FARS2: variants seen among roughly 807,000 people sequenced by gnomAD.
The protein encoded by FARS2 is phenylalanyl-tRNA synthetase 2, mitochondrial, also known as phenylalanine--tRNA ligase, mitochondrial.
FARS2 carries 40 observed loss-of-function variants against 46.4 expected under a neutral mutation model. The observed-to-expected ratio is 0.86, with a 90% confidence interval of 0.67 to 1.12. The LOEUF is 1.12. Ranked by LOEUF, FARS2 falls within the 50% of genes most tolerant of loss-of-function variation. The pLI is 0.00. For synonymous variants in FARS2, 234 were observed against 214.9 expected (o/e 1.09, Z -0.78); for missense variants, 513 against 567.9 (o/e 0.90, Z 0.98).
intron 1 of FARS2, 74 bp from the exon 2 acceptor site, chr6:5,368,476 G>A: frequency 7.6e-7 from 1 of 1,316,446 alleles, no homozygotes; most frequent in Non-Finnish European, 1.1e-6. Flanking sequence ...GGGAGCTGGT[G>A]GGAGATGCAA....
chr6:5,480,576 T>C (rs1337331989), intron 4 of FARS2, among the ~76,000 whole-genome samples: 2 of 152,252 alleles, frequency 1.3e-5, no homozygotes, highest in African/African-American at 4.8e-5. Flanking sequence ...GGTTGAGACA[T>C]GTGACTTTTG....
At chr6:5,393,003 TAA>T (rs1760667997) in intron 2 of FARS2, among the ~76,000 whole-genome samples, 1 of 150,630 alleles carries the variant, frequency 6.6e-6, no homozygotes, top group South Asian at 2.1e-4. Context: ...TAAAATTTAT[TAA>T]AATATATGTA....
At chr6:5,714,120 A>G (rs1429678263) in intron 6 of FARS2, among the ~76,000 whole-genome samples, 1 of 152,158 alleles carries the variant, frequency 6.6e-6, no homozygotes, top group African/African-American at 2.4e-5. Flanking sequence ...TCAGAGTGCC[A>G]TTTATAAAAT....
chr6:5,676,190 T>C (rs539552917), intron 6 of FARS2, among the ~76,000 whole-genome samples: 3 of 152,338 alleles, frequency 2.0e-5, no homozygotes, highest in South Asian at 4.1e-4. Context: ...CACTCAAAGA[T>C]GTCAGCTCCA....
At chr6:5,250,603 C>A in the FARS2 span, among the ~76,000 whole-genome samples, 1 of 152,174 alleles carries the variant, frequency 6.6e-6, no homozygotes, top group Non-Finnish European at 1.5e-5. Context: ...TGCTTTTAGG[C>A]ACACATGAAT....
chr6:5,363,941 C>A (rs2127632336), intron 1 of FARS2, among the ~76,000 whole-genome samples: 1 of 152,350 alleles, frequency 6.6e-6, no homozygotes, highest in Admixed American at 6.5e-5. Flanking sequence ...TGTCTTACCT[C>A]ATTTCCAAAC....
intron 5 of FARS2, among the ~76,000 whole-genome samples, chr6:5,576,519 G>C (rs1772973608): frequency 6.7e-6 from 1 of 150,118 alleles, no homozygotes; most frequent in South Asian, 2.1e-4. Context: ...GATCATGTGA[G>C]TTAATATTAA....
At chr6:5,496,671 A>G (rs1335516303) in intron 4 of FARS2, among the ~76,000 whole-genome samples, 2 of 151,816 alleles carry the variant, frequency 1.3e-5, no homozygotes. Context: ...TCTGTGTCCT[A>G]ATCTCTTCTT....
intron 5 of FARS2, among the ~76,000 whole-genome samples, chr6:5,568,391 G>A (rs1561719130): frequency 1.3e-5 from 2 of 152,136 alleles, no homozygotes; most frequent in Non-Finnish European, 1.5e-5. Context: ...ACATTTCTGA[G>A]CATCTGCTCT....
intron 6 of FARS2, among the ~76,000 whole-genome samples, chr6:5,666,112 G>T (rs80190984): frequency 0.015 from 2,321 of 152,192 alleles, 51 homozygotes; most frequent in African/African-American, 0.049. Context: ...GGTATTTATT[G>T]GTTCATTGAA....
At chr6:5,734,029 C>A (rs1561828522) in intron 6 of FARS2, among the ~76,000 whole-genome samples, 1 of 152,214 alleles carries the variant, frequency 6.6e-6, no homozygotes, top group Non-Finnish European at 1.5e-5. Context: ...AAAAAGTAAT[C>A]AAGGGATCCA....
chr6:5,694,239 C>T lies in FARS2; in HGVS notation c.1218-77052C>T, dbSNP rs1307939448. On this transcript the variant is annotated intron_variant, in intron 6 of 6. Coordinates refer to ENST00000274680, the MANE Select transcript of FARS2 (RefSeq NM_006567.5). Reference sequence around the variant, plus strand: ...GTAGCTAAGGTCAGTGTATGCTAGGCCTGGTACCTGAGCAGCAGTCTTGAT... The same window carrying T: ...GTAGCTAAGGTCAGTGTATGCTAGGTCTGGTACCTGAGCAGCAGTCTTGAT... Among the ~76,000 whole-genome samples the T allele has an allele frequency of 6.6e-5, 10 of 152,182 alleles. No individual in the cohort carries two copies. The East Asian group carries it at 1.9e-3, about 29-fold the overall frequency.
chr6:5,345,752 T>A (rs1254842142), intron 1 of FARS2, among the ~76,000 whole-genome samples: 3 of 152,218 alleles, frequency 2.0e-5, no homozygotes, highest in Non-Finnish European at 4.4e-5. Flanking sequence ...ATCCTGAGAT[T>A]TTCCATTTGT....
chr6:5,715,473 G>C (rs1379205836), intron 6 of FARS2, among the ~76,000 whole-genome samples: 2 of 152,024 alleles, frequency 1.3e-5, no homozygotes, highest in East Asian at 1.9e-4. Flanking sequence ...ACTGCCCCCT[G>C]TCTCCTTGTT....
intron 6 of FARS2, among the ~76,000 whole-genome samples, chr6:5,682,747 T>G (rs1779097889): frequency 6.6e-6 from 1 of 152,208 alleles, no homozygotes; most frequent in Non-Finnish European, 1.5e-5. Context: ...CTTCCAGGCA[T>G]TGCGAAAGAC....
chr6:5,420,793 C>A (rs1007898916), intron 3 of FARS2, among the ~76,000 whole-genome samples: 1 of 152,084 alleles, frequency 6.6e-6, no homozygotes, highest in Non-Finnish European at 1.5e-5. Flanking sequence ...CTTCTGGCAC[C>A]GTCATGGAGC....
intron 6 of FARS2, among the ~76,000 whole-genome samples, chr6:5,702,433 G>C (rs1582797429): frequency 6.6e-6 from 1 of 152,266 alleles, no homozygotes; most frequent in Middle Eastern, 3.4e-3. Context: ...AGTGATATGT[G>C]TACTTTTGGC....
intron 6 of FARS2, among the ~76,000 whole-genome samples, chr6:5,752,286 T>C (rs1292295230): frequency 3.3e-5 from 5 of 152,232 alleles, no homozygotes; most frequent in Admixed American, 3.3e-4. Context: ...AATTGCGGTC[T>C]GTTAGATTTT....
Position 5,494,405 on chromosome 6 carries a change from T to C in FARS2, c.905-50775T>C, listed in dbSNP as rs559935325. ...GACTGGAATCCGGGTCTGTACTGGC[T>C]GCGGCTTCACACTGCCTCGCTTCTC... On this transcript the variant is annotated intron_variant, in intron 4 of 6. Transcript: ENST00000274680. 5.3e-5 allele frequency among the ~76,000 whole-genome samples: 8 copies of C among 152,334 alleles called. 1 individual carries two copies. In the East Asian group the frequency reaches 1.5e-3, roughly 29 times the overall value.
Sources: gnomAD v4.1 joint callset for allele counts (sites outside exome capture counted in the v4.1 genomes callset) on GRCh38, gnomAD v4.1.1 for gene constraint, MANE v1.5 for transcripts, NCBI Gene and HGNC (gene_info 2026-07-23, HGNC 2026-07-21) for gene names.